Variants in RANBP17 observed in about 807,000 individuals in gnomAD.
RANBP17 encodes RAN binding protein 17.
Under a neutral mutation model 141.2 loss-of-function variants are expected in RANBP17, and 158 were observed. The ratio of observed to expected loss-of-function variants is 1.12; its 90% CI spans 0.98 to 1.28. The LOEUF is 1.28. Ranked by LOEUF, RANBP17 falls within the 50% of genes most tolerant of loss-of-function variation. The pLI is 0.00. For synonymous variants in RANBP17, 430 were observed against 450.0 expected, an observed-to-expected ratio of 0.96 and a Z score of 0.56; for missense variants, 1,438 against 1,290.7, an observed-to-expected ratio of 1.11 and a Z score of -1.75.
intron 25 of RANBP17, among the ~76,000 whole-genome samples, chr5:171,278,648 C>T (rs1044040924): frequency 4.6e-5 from 7 of 152,052 alleles, no homozygotes; most frequent in African/African-American, 1.2e-4. Context: ...GCAGACATGC[C>T]GAGGATCTCA....
chr5:171,027,349 T>A (rs902029197), intron 14 of RANBP17, among the ~76,000 whole-genome samples: 1 of 152,170 alleles, frequency 6.6e-6, no homozygotes, highest in African/African-American at 2.4e-5. Context: ...GCAGATTCAT[T>A]TTTGTCATGG....
intron 19 of RANBP17, among the ~76,000 whole-genome samples, chr5:171,204,851 G>A (rs748002585): frequency 2.0e-5 from 3 of 152,168 alleles, no homozygotes; most frequent in Non-Finnish European, 4.4e-5. Context: ...GTGCCTCTGT[G>A]AGAAATGCAT....
In RANBP17 at chr5:171,179,239, T is replaced by G. The variant is rs933757294; in HGVS notation, c.1866-3928T>G. On this transcript the variant is annotated intron_variant, in intron 16 of 27. Transcript: ENST00000523189. ...TTATCAGAAATGGCCAGGTATCATA[T>G]GAGGATAACTAATTAGTATAGTTTT... Among the ~76,000 whole-genome samples, 22 of 152,224 alleles carry G rather than the reference T, an allele frequency of 1.4e-4. 1 individual carries two copies. The highest frequency in any genetic ancestry group is 2.6e-4 in the Admixed American group (4 of 15,282).
At chr5:170,869,460 T>C (rs1229958630) in intron 1 of RANBP17, among the ~76,000 whole-genome samples, 3 of 151,740 alleles carry the variant, frequency 2.0e-5, no homozygotes, top group Non-Finnish European at 4.4e-5. Flanking sequence ...TTAATACCAA[T>C]ATATTTTCAT....
Position 171,108,414 on chromosome 5 carries a change from A to G in RANBP17, c.1711-61716A>G, listed in dbSNP as rs943841224. Among the ~76,000 whole-genome samples, 8 of 152,152 alleles carry G rather than the reference A, an allele frequency of 5.3e-5. No homozygotes were observed. The East Asian group carries it at 1.2e-3, about 22-fold the overall frequency. ...AAGTTCAAGTGAAATCATGTATTTT[A>G]TTTATTTATTTATTTTGAGACGAGG... On this transcript the variant is annotated intron_variant, in intron 14 of 27. Coordinates refer to ENST00000523189, the MANE Select transcript of RANBP17 (RefSeq NM_022897.5).
At chr5:170,984,499 C>T (rs973501586) in intron 14 of RANBP17, among the ~76,000 whole-genome samples, 4 of 151,856 alleles carry the variant, frequency 2.6e-5, no homozygotes, top group Non-Finnish European at 5.9e-5. Context: ...TGGTGACACA[C>T]GGCTGTAGTC....
chr5:171,060,420 T>A (rs1783734499), intron 14 of RANBP17, among the ~76,000 whole-genome samples: 1 of 152,118 alleles, frequency 6.6e-6, no homozygotes, highest in Admixed American at 6.6e-5. Context: ...ATTGAGATAA[T>A]CATGTGGTTT....
chr5:171,099,865 T>C (rs1259673985), intron 14 of RANBP17, among the ~76,000 whole-genome samples: 1 of 152,176 alleles, frequency 6.6e-6, no homozygotes, highest in East Asian at 1.9e-4. Context: ...GATAATCATG[T>C]GGTTTTTGTC....
At position 171,094,378 on chromosome 5, in the gene RANBP17, T is replaced by C. The variant is rs761601949; in HGVS notation, c.1711-75752T>C. On this transcript the variant is annotated intron_variant, in intron 14 of 27. Transcript: ENST00000523189. Reference sequence around the variant, plus strand: ...CAATACTATTTGTGTTGCAAAGTTATGAAGATTGATGATTATGTCAGTAAA... The same window carrying C: ...CAATACTATTTGTGTTGCAAAGTTACGAAGATTGATGATTATGTCAGTAAA... 2.0e-5 allele frequency among the ~76,000 whole-genome samples: 3 copies of C among 152,030 alleles called. No individual in the cohort carries two copies. The East Asian group carries it at 5.8e-4, about 30-fold the overall frequency.
chr5:170,964,900 TG>T (rs1776429970), intron 13 of RANBP17, among the ~76,000 whole-genome samples: 1 of 152,188 alleles, frequency 6.6e-6, no homozygotes, highest in Non-Finnish European at 1.5e-5. Flanking sequence ...TATAGTCCTT[TG>T]GGTATATACC....
chr5:171,020,132 G>A lies in RANBP17; in HGVS notation c.1710+51755G>A, dbSNP rs1039635256. Among the ~76,000 whole-genome samples the A allele has an allele frequency of 3.3e-5, 5 of 152,172 alleles. No individual in the cohort carries two copies. In the East Asian group the frequency reaches 9.7e-4, roughly 29 times the overall value. The stretch of plus-strand genomic sequence containing the variant: ...CTAATTTGATTGCACTGTGGCCTGA[G>A]AGACTGTTATGATTTCCGTTCTTTT... On this transcript the variant is annotated intron_variant, in intron 14 of 27. Coordinates refer to ENST00000523189, the MANE Select transcript of RANBP17 (RefSeq NM_022897.5).
chr5:170,950,878 A>G (rs1369869614), intron 12 of RANBP17, among the ~76,000 whole-genome samples: 2 of 152,146 alleles, frequency 1.3e-5, no homozygotes, highest in African/African-American at 2.4e-5. Flanking sequence ...TATACATAGT[A>G]GAATACCGTT....
intron 14 of RANBP17, among the ~76,000 whole-genome samples, chr5:171,090,990 G>T (rs1164811765): frequency 6.6e-6 from 1 of 152,192 alleles, no homozygotes; most frequent in African/African-American, 2.4e-5. Context: ...GGAAATGTGG[G>T]GTCAGAGCTC....
intron 14 of RANBP17, among the ~76,000 whole-genome samples, chr5:171,064,218 C>A (rs1784135320): frequency 6.6e-6 from 1 of 152,242 alleles, no homozygotes; most frequent in South Asian, 2.1e-4. Flanking sequence ...AACCCAGTAC[C>A]TCAGATGGAA....
intron 18 of RANBP17, among the ~76,000 whole-genome samples, chr5:171,186,521 A>ATTTTGTT (rs1243325206): frequency 3.4e-5 from 1 of 29,512 alleles, no homozygotes; most frequent in East Asian, 1.2e-3. Flanking sequence ...CACTGGTATG[A>ATTTTGTT]TTTTCTTTTT....
rs139186289 is a variant in RANBP17 at position 171,281,810 on chromosome 5, C to T, written c.2944-12073C>T. ...CAGGTGAAAGAAACCTTGTAGATAACGAGAGGCATTCATAGTCCCTCCTGA... is the reference window on the plus strand; with the variant it reads ...CAGGTGAAAGAAACCTTGTAGATAATGAGAGGCATTCATAGTCCCTCCTGA... On this transcript the variant is annotated intron_variant, in intron 25 of 27. Coordinates refer to ENST00000523189, the MANE Select transcript of RANBP17 (RefSeq NM_022897.5). Among the ~76,000 whole-genome samples, 829 of 152,254 alleles carry T rather than the reference C, an allele frequency of 5.4e-3. 8 individuals carry two copies. Among genetic ancestry groups the T allele is most frequent in the African/African-American group, 0.019 (790 of 41,548 alleles).
intron 1 of RANBP17, among the ~76,000 whole-genome samples, chr5:170,869,843 A>G (rs567852144): frequency 1.5e-3 from 227 of 152,260 alleles, no homozygotes; most frequent in Admixed American, 2.5e-3. Flanking sequence ...TTTTAAGGGG[A>G]TATAATTAAA....
intron 14 of RANBP17, among the ~76,000 whole-genome samples, chr5:171,064,474 A>C (rs957379304): frequency 6.6e-6 from 1 of 152,076 alleles, no homozygotes. Flanking sequence ...TGAGTTGTTT[A>C]TTCAAATCTT....
intron 25 of RANBP17, among the ~76,000 whole-genome samples, chr5:171,290,826 C>T (rs1768448933): frequency 1.3e-5 from 2 of 152,160 alleles, no homozygotes; most frequent in Non-Finnish European, 2.9e-5. Context: ...TGGGCTAGAC[C>T]TGAGAGAGTA....
Sources: allele counts gnomAD v4.1 joint callset (sites outside exome capture counted in the v4.1 genomes callset), GRCh38; gene constraint gnomAD v4.1.1; transcripts MANE v1.5; gene names NCBI Gene and HGNC (gene_info 2026-07-23, HGNC 2026-07-21).